DIAPH3: variants seen among roughly 807,000 people sequenced by gnomAD.
The protein encoded by DIAPH3 is diaphanous related formin 3.
A neutral mutation model predicts 144.3 loss-of-function variants in DIAPH3; 117 were observed. That is an observed-to-expected ratio of 0.81 (90% CI 0.70 to 0.95). The LOEUF (loss-of-function observed/expected upper bound fraction) is 0.95. Among genes scored for constraint, DIAPH3 ranks in the 40% least tolerant of loss-of-function variants. DIAPH3 has a pLI of 0.00. For missense variants in DIAPH3, 1,421 were observed against 1,412.7 expected, an observed-to-expected ratio of 1.01 and a Z score of -0.09; for synonymous variants, 519 against 488.9, an observed-to-expected ratio of 1.06 and a Z score of -0.81.
rs865858674 is a variant in DIAPH3 at position 59,887,577 on chromosome 13, C to A, written c.2368-8109G>T. Among the ~76,000 whole-genome samples the A allele has an allele frequency of 4.6e-5, 7 of 152,036 alleles. No homozygotes were observed. The East Asian group carries it at 1.3e-3, about 29-fold the overall frequency. Reference sequence around the variant, plus strand: ...TGTTATAGACAGAAAACATACCCTGCAAGATATCTATATTTTGAAAATTAC... The same window carrying A: ...TGTTATAGACAGAAAACATACCCTGAAAGATATCTATATTTTGAAAATTAC... On this transcript the variant is annotated intron_variant, in intron 20 of 27. Transcript: ENST00000400324.
At chr13:60,050,360 C>T (rs1355653503) in intron 4 of DIAPH3, among the ~76,000 whole-genome samples, 1 of 152,162 alleles carries the variant, frequency 6.6e-6, no homozygotes, top group Non-Finnish European at 1.5e-5. Context: ...AGTAAGAAGA[C>T]TCAGTGAACA....
chr13:60,084,887 C>A (rs2057697492), intron 4 of DIAPH3, among the ~76,000 whole-genome samples: 1 of 152,068 alleles, frequency 6.6e-6, no homozygotes, highest in South Asian at 2.1e-4. Context: ...GGTAATAAGT[C>A]AGGAAACCAT....
chr13:60,029,750 T>C lies in DIAPH3; in HGVS notation c.626+12940A>G, dbSNP rs1037040548. ...TTACCCGGTCTCAGGCAGTTCTTTA[T>C]AGCAGCCTGAGAACACACTAATACA... is the stretch of plus-strand genomic sequence containing the variant. On this transcript the variant is annotated intron_variant, in intron 5 of 27. Coordinates refer to ENST00000400324, the MANE Select transcript of DIAPH3 (RefSeq NM_001042517.2). 4.6e-5 allele frequency among the ~76,000 whole-genome samples: 7 copies of C among 152,196 alleles called. No individual in the cohort carries two copies. The East Asian group carries it at 5.8e-4, about 13-fold the overall frequency.
At chr13:59,716,467 G>C (rs2035068937) in intron 27 of DIAPH3, among the ~76,000 whole-genome samples, 1 of 152,144 alleles carries the variant, frequency 6.6e-6, no homozygotes. Flanking sequence ...GAGCCACCGT[G>C]CCCGGCCCCA....
intron 21 of DIAPH3, among the ~76,000 whole-genome samples, chr13:59,870,321 A>G (rs561542882): frequency 6.6e-6 from 1 of 152,084 alleles, no homozygotes; most frequent in African/African-American, 2.4e-5. Context: ...ATTATTTTAA[A>G]ATTATTTTTA....
At chr13:59,705,557 T>C (rs1477655250) in intron 27 of DIAPH3, among the ~76,000 whole-genome samples, 4 of 152,138 alleles carry the variant, frequency 2.6e-5, no homozygotes, top group Non-Finnish European at 5.9e-5. Flanking sequence ...ATAAAGTAAA[T>C]GGGACTTCTT....
chr13:59,860,474 C>T lies in DIAPH3; in HGVS notation c.2737+933G>A, dbSNP rs184238983. On this transcript the variant is annotated intron_variant, in intron 22 of 27. Coordinates refer to ENST00000400324, the MANE Select transcript of DIAPH3 (RefSeq NM_001042517.2). ...AAAATTGAGGCCGGGCGCGGTGGCT[C>T]ATGCCTGTAATCCCAGCACTTTGGG... is the stretch of plus-strand genomic sequence containing the variant. Among the ~76,000 whole-genome samples the T allele has an allele frequency of 5.9e-5, 9 of 152,294 alleles. No homozygotes were observed. The East Asian group carries it at 1.7e-3, about 29-fold the overall frequency.
intron 4 of DIAPH3, among the ~76,000 whole-genome samples, chr13:60,088,394 T>C (rs183026852): frequency 3.9e-4 from 60 of 152,224 alleles, no homozygotes; most frequent in Admixed American, 2.3e-3. Flanking sequence ...TCTCTCAAAC[T>C]TGTCCTCCTT....
At chr13:59,867,239 A>G (rs996156132) in intron 21 of DIAPH3, among the ~76,000 whole-genome samples, 9 of 151,566 alleles carry the variant, frequency 5.9e-5, no homozygotes, top group Non-Finnish European at 8.8e-5. Flanking sequence ...GACTGCAGTG[A>G]GCTATATAAT....
At chr13:59,799,375 G>GCACACACACACA (rs56979042) in intron 25 of DIAPH3, among the ~76,000 whole-genome samples, 25 of 139,364 alleles carry the variant, frequency 1.8e-4, no homozygotes, top group Middle Eastern at 7.4e-3. Flanking sequence ...CTGGAAATAT[G>GCACACACACACA]CACACACACA....
intron 2 of DIAPH3, among the ~76,000 whole-genome samples, chr13:60,118,533 C>T (rs1029450925): frequency 6.6e-6 from 1 of 151,994 alleles, no homozygotes; most frequent in African/African-American, 2.4e-5. Context: ...CAAATACATA[C>T]CTGAAATACA....
intron 17 of DIAPH3, among the ~76,000 whole-genome samples, chr13:59,936,938 C>A (rs573165880): frequency 6.6e-6 from 1 of 151,994 alleles, no homozygotes; most frequent in African/African-American, 2.4e-5. Flanking sequence ...CTGAGGTGGG[C>A]GGATCATGAG....
chr13:60,061,157 T>C (rs1026816301), intron 4 of DIAPH3, among the ~76,000 whole-genome samples: 1 of 152,006 alleles, frequency 6.6e-6, no homozygotes, highest in Admixed American at 6.6e-5. Flanking sequence ...AAGACCAGGA[T>C]TGGAAAGCAG....
chr13:60,026,726 G>C (rs1259468520), intron 5 of DIAPH3, among the ~76,000 whole-genome samples: 4 of 151,354 alleles, frequency 2.6e-5, no homozygotes, highest in Non-Finnish European at 4.4e-5. Flanking sequence ...TAGACAAAGT[G>C]TCTCTCTCTC....
chr13:60,137,424 G>A, intron 1 of DIAPH3, among the ~76,000 whole-genome samples: 1 of 152,164 alleles, frequency 6.6e-6, no homozygotes, highest in East Asian at 1.9e-4. Context: ...CACTAACTTA[G>A]TTTACAAGTA....
intron 27 of DIAPH3, among the ~76,000 whole-genome samples, chr13:59,758,673 TG>T (rs2037409410): frequency 1.3e-5 from 2 of 152,258 alleles, no homozygotes; most frequent in African/African-American, 4.8e-5. Context: ...AGGGAGTATA[TG>T]GGAAGTTTAA....
In DIAPH3 at chr13:59,806,109, T is replaced by C. The variant is rs183524648; in HGVS notation, c.3163+4679A>G. On this transcript the variant is annotated intron_variant, in intron 25 of 27. Coordinates refer to ENST00000400324, the MANE Select transcript of DIAPH3 (RefSeq NM_001042517.2). Reference sequence around the variant, plus strand: ...TCCCTGTGGGTTTATGGCAGAGTTATGTGAAGATTTCTCTCTTCCTCCATC... The same window carrying C: ...TCCCTGTGGGTTTATGGCAGAGTTACGTGAAGATTTCTCTCTTCCTCCATC... Among the ~76,000 whole-genome samples the C allele has an allele frequency of 5.1e-4, 78 of 152,130 alleles. No individual in the cohort carries two copies. The East Asian group carries it at 0.01, about 20-fold the overall frequency.
At position 59,910,502 on chromosome 13, in the gene DIAPH3, C is replaced by T. The variant is rs139912205; in HGVS notation, c.2367+1233G>A. Among the ~76,000 whole-genome samples, 1,362 of 151,978 alleles carry T rather than the reference C, an allele frequency of 9.0e-3. 10 individuals carry two copies. Among genetic ancestry groups the T allele is most frequent in the African/African-American group, 0.031 (1,272 of 41,456 alleles). On this transcript the variant is annotated intron_variant, in intron 20 of 27. Transcript: ENST00000400324. ...CAGAACTTTGGGAGGCGGAGGCAGG[C>T]GGATCACCTGAGGTCAGGAGTTCGA...
chr13:60,110,111 GCA>G (rs1322287660), intron 3 of DIAPH3, among the ~76,000 whole-genome samples: 1 of 152,140 alleles, frequency 6.6e-6, no homozygotes, highest in Non-Finnish European at 1.5e-5. Flanking sequence ...AATCAAGTCA[GCA>G]CAGTCTTTCA....
Sources: allele counts gnomAD v4.1 joint callset (sites outside exome capture counted in the v4.1 genomes callset), GRCh38; gene constraint gnomAD v4.1.1; transcripts MANE v1.5; gene names NCBI Gene and HGNC (gene_info 2026-07-23, HGNC 2026-07-21).